Variants in FAIM observed in about 807,000 individuals in gnomAD.
The protein encoded by FAIM is fas apoptotic inhibitory molecule 1.
FAIM carries 14 observed loss-of-function variants against 21.2 expected under a neutral mutation model. The ratio of observed to expected loss-of-function variants is 0.66; its 90% CI spans 0.44 to 1.03. The LOEUF is 1.03. Among genes scored for constraint, FAIM ranks in the 50% least tolerant of loss-of-function variants. The probability of loss-of-function intolerance (pLI) is 0.00; values close to 1 mark genes in which losing one functional copy is unlikely to be tolerated. For missense variants in FAIM, 222 were observed against 247.1 expected (o/e 0.90, Z 0.68); for synonymous variants, 86 against 80.4 (o/e 1.07, Z -0.37).
chr3:138,624,709 G>A (rs2042922850), intron 4 of FAIM, among the ~76,000 whole-genome samples: 1 of 152,216 alleles, frequency 6.6e-6, no homozygotes, highest in Admixed American at 6.5e-5. Context: ...CAGGATCAGA[G>A]CTGTGTGATG....
chr3:138,611,756 C>G (rs902301364), intron 1 of FAIM, among the ~76,000 whole-genome samples: 1 of 152,150 alleles, frequency 6.6e-6, no homozygotes, highest in African/African-American at 2.4e-5. Flanking sequence ...TGTACCTCCC[C>G]GCTGTCTCTC....
chr3:138,629,124 G>A lies in FAIM; in HGVS notation c.424G>A (p.Val142Ile), dbSNP rs752212113. The part of the protein sequence containing the change: ...RIVLEKDAMD[V>I]WCNGKKLETA... The stretch of plus-strand genomic sequence containing the variant: ...CTTTACAGAAAAAGATGCTATGGAC[G>A]TATGGTGCAATGGTAAAAAATTGGA... Residue 142 changes from valine to isoleucine, a missense_variant, in exon 5 of 6, where the codon GTA (valine) becomes ATA (isoleucine). By Grantham distance (29) the Val-to-Ile change is conservative. Transcript: ENST00000360570. 3.1e-5 allele frequency: 50 copies of A among 1,610,416 alleles called. No individual in the cohort carries two copies. The highest frequency in any genetic ancestry group is 6.7e-5 in the Admixed American group (4 of 59,798).
At chr3:138,611,442 C>T (rs2042767809) in intron 1 of FAIM, among the ~76,000 whole-genome samples, 2 of 152,100 alleles carry the variant, frequency 1.3e-5, no homozygotes, top group Admixed American at 1.3e-4. Context: ...AATTCAGGGG[C>T]ATTAAGTACA....
chr3:138,626,815 C>A (rs1024100091), intron 4 of FAIM, among the ~76,000 whole-genome samples: 1 of 152,024 alleles, frequency 6.6e-6, no homozygotes, highest in Non-Finnish European at 1.5e-5. Context: ...CATTTTGTAC[C>A]CCCGTTAGCT....
chr3:138,611,053 A>G (rs1250282123), intron 1 of FAIM: 4 of 1,586,410 alleles, frequency 2.5e-6, no homozygotes, highest in Non-Finnish European at 3.5e-6. Flanking sequence ...TGCCCTGCCC[A>G]GAGCCTGGTA....
Position 138,633,250 on chromosome 3 carries a change from T to A in FAIM, c.*171T>A, listed in dbSNP as rs2043026202. The A allele has an allele frequency of 4.5e-6, 2 of 442,400 alleles. No homozygotes were observed. The highest frequency in any genetic ancestry group is 7.6e-6 in the Non-Finnish European group (2 of 264,144). The allele number at this position is 442,400 out of a possible 1,614,324, so 27.4% of individuals were successfully genotyped here. A position where few individuals can be genotyped will look rare whatever the true frequency, so the allele number is the denominator to read the frequency against. ...GAAAAAAACCAATTATGTATAGTCA[T>A]AAAAATTACAATTTATGATGCAAAT... On this transcript the variant is annotated 3_prime_UTR_variant, in exon 6 of 6. Transcript: ENST00000360570.
intron 2 of FAIM, among the ~76,000 whole-genome samples, chr3:138,620,610 C>T (rs2042874266): frequency 6.6e-6 from 1 of 152,146 alleles, no homozygotes; most frequent in South Asian, 2.1e-4. Context: ...GCTCTCTTAC[C>T]TCAGCATCCC....
At chr3:138,609,240 GGCGGGGCGCGGGGC>G (rs533410196) in intron 1 of FAIM, 6 of 151,832 alleles carry the variant, frequency 4.0e-5, no homozygotes, top group Non-Finnish European at 8.8e-5. Flanking sequence ...GTGGAGGTGC[GGCGGGGCGCGGGGC>G]GCGGGGCCAG....
intron 2 of FAIM, 53 bp from the exon 3 acceptor site, chr3:138,621,354 G>A: frequency 6.5e-7 from 1 of 1,532,514 alleles, no homozygotes; most frequent in South Asian, 1.2e-5. Context: ...GGATTAATTG[G>A]TTATTTAATT....
At chr3:138,630,185 T>C (rs1185001379) in intron 5 of FAIM, 1 of 152,214 alleles carries the variant, frequency 6.6e-6, no homozygotes, top group African/African-American at 2.4e-5. Flanking sequence ...TTGTATAGTA[T>C]AGGTTTAAGA....
In FAIM at chr3:138,621,506, A is replaced by G; in HGVS notation, c.144A>G (p.Thr48=). The change falls in exon 3 of 6, where the codon ACA becomes ACG. Residue 48 remains threonine, a synonymous_variant. Coordinates refer to ENST00000360570, the MANE Select transcript of FAIM (RefSeq NM_001033031.2). ...VHKIEFEHGT[T]SGKRVVYVDG... is the part of the protein sequence containing the mutation. The stretch of plus-strand genomic sequence containing the variant: ...AGATCGAATTTGAACATGGGACTAC[A>G]TCAGGCAAACGAGTAGTATATGTAG... 6.2e-7 allele frequency: 1 copy of G among 1,614,016 alleles called. No individual in the cohort carries two copies. Among genetic ancestry groups the G allele is most frequent in the Non-Finnish European group, 8.5e-7 (1 of 1,179,910 alleles).
At chr3:138,624,007 A>G (rs909954575) in intron 4 of FAIM, among the ~76,000 whole-genome samples, 5 of 152,188 alleles carry the variant, frequency 3.3e-5, no homozygotes, top group African/African-American at 1.2e-4. Context: ...GTTTTAAATG[A>G]AAAGTTTTGT....
intron 5 of FAIM, among the ~76,000 whole-genome samples, chr3:138,632,331 T>C (rs1435949417): frequency 7.2e-5 from 11 of 151,880 alleles, no homozygotes; most frequent in Non-Finnish European, 1.6e-4. Flanking sequence ...GTCTTCTAAA[T>C]CCAGTGTCTA....
At chr3:138,617,912 T>C (rs1417259177) in intron 1 of FAIM, among the ~76,000 whole-genome samples, 2 of 146,906 alleles carry the variant, frequency 1.4e-5, no homozygotes, top group African/African-American at 2.5e-5. Context: ...ATATATACTA[T>C]ATTATATATA....
intron 4 of FAIM, among the ~76,000 whole-genome samples, chr3:138,628,763 G>A (rs545750451): frequency 2.0e-5 from 3 of 152,238 alleles, no homozygotes; most frequent in Admixed American, 6.5e-5. Flanking sequence ...GATTACAGGC[G>A]TGAGCCACCG....
In FAIM at chr3:138,629,144, A is replaced by G. The variant is rs1428788945; in HGVS notation, c.444A>G (p.Lys148=). ...TGGACGTATGGTGCAATGGTAAAAA[A>G]TTGGAGACAGCGGTAAGTTGACTAT... The part of the protein sequence containing the change: ...DAMDVWCNGK[K]LETAGEFVDD... Residue 148 remains lysine (K), a synonymous_variant, in exon 5 of 6, where the codon AAA becomes AAG. Transcript: ENST00000360570. 6 of 1,612,140 alleles carry G rather than the reference A, an allele frequency of 3.7e-6. No homozygotes were observed. The highest frequency in any genetic ancestry group is 3.4e-6 in the Non-Finnish European group (4 of 1,179,252).
At chr3:138,616,078 G>A (rs2042822924) in intron 1 of FAIM, among the ~76,000 whole-genome samples, 1 of 152,214 alleles carries the variant, frequency 6.6e-6, no homozygotes, top group Admixed American at 6.5e-5. Flanking sequence ...TAAGAACCCA[G>A]GACTGGCAGT....
intron 5 of FAIM, chr3:138,631,130 AC>A (rs1046096570): frequency 3.4e-5 from 5 of 146,552 alleles, no homozygotes; most frequent in African/African-American, 1.3e-4. Flanking sequence ...AGAATGTGAG[AC>A]CCTGTCTCAA....
intron 1 of FAIM, among the ~76,000 whole-genome samples, chr3:138,613,666 G>T (rs2042795451): frequency 1.3e-5 from 2 of 151,804 alleles, no homozygotes; most frequent in African/African-American, 4.8e-5. Context: ...AAATTTTTTT[G>T]TAGAGATGGG....
Sources: gnomAD v4.1 joint callset for allele counts (sites outside exome capture counted in the v4.1 genomes callset) on GRCh38, gnomAD v4.1.1 for gene constraint, MANE v1.5 for transcripts, NCBI Gene and HGNC (gene_info 2026-07-23, HGNC 2026-07-21) for gene names.